The following BLTP3A variants were observed in gnomAD, a reference collection of about 807,000 sequenced individuals.
BLTP3A encodes bridge-like lipid transfer protein family member 3A.
the BLTP3A span, among the ~76,000 whole-genome samples, chr6:34,854,404 G>A: frequency 2.0e-5 from 3 of 151,888 alleles, no homozygotes; most frequent in Admixed American, 6.5e-5. Flanking sequence ...TAGTTTTGAA[G>A]TTAAATATTG....
the BLTP3A span, chr6:34,857,559 G>T: frequency 1.3e-6 from 2 of 1,538,800 alleles, 1 homozygote; most frequent in South Asian, 2.5e-5. Flanking sequence ...TTTATTTGTT[G>T]TTAGGAGTTT....
At chr6:34,845,619 T>C in the BLTP3A span, among the ~76,000 whole-genome samples, 1 of 151,466 alleles carries the variant, frequency 6.6e-6, no homozygotes, top group East Asian at 1.9e-4. Flanking sequence ...TTTTTTGAGA[T>C]GGAGTCTTGC....
chr6:34,850,186 G>T, the BLTP3A span, among the ~76,000 whole-genome samples: 1 of 151,358 alleles, frequency 6.6e-6, no homozygotes, highest in African/African-American at 2.4e-5. Flanking sequence ...CTTTAAATAT[G>T]TCATGCCTCT....
At chr6:34,819,856 A>G in the BLTP3A span, among the ~76,000 whole-genome samples, 4 of 152,308 alleles carry the variant, frequency 2.6e-5, no homozygotes, top group South Asian at 4.1e-4. Flanking sequence ...TTTCAAGACC[A>G]TTTGACCGAT....
At chr6:34,792,255 C>T in the BLTP3A span, 1 of 1,541,744 alleles carries the variant, frequency 6.5e-7, no homozygotes, top group Non-Finnish European at 8.7e-7. Flanking sequence ...TCCGGCATGG[C>T]CGGGATCATT....
At chr6:34,804,449 T>C in the BLTP3A span, among the ~76,000 whole-genome samples, 4 of 152,130 alleles carry the variant, frequency 2.6e-5, no homozygotes, top group African/African-American at 9.7e-5. Context: ...AGCCCAGTAA[T>C]GCATTAAGAA....
the BLTP3A span, chr6:34,821,444 T>TAAAAAA: frequency 8.6e-5 from 40 of 465,228 alleles, no homozygotes; most frequent in South Asian, 5.6e-4. Flanking sequence ...GCATTTGTTC[T>TAAAAAA]GGCTGGTCTG....
chr6:34,846,296 C>G, the BLTP3A span, among the ~76,000 whole-genome samples: 1 of 151,806 alleles, frequency 6.6e-6, no homozygotes, highest in Non-Finnish European at 1.5e-5. Context: ...AGGCACCCAC[C>G]ACCACGCCTA....
the BLTP3A span, chr6:34,835,303 T>G: frequency 1.2e-6 from 2 of 1,613,980 alleles, no homozygotes; most frequent in African/African-American, 1.3e-5. Flanking sequence ...GACCAAAGAT[T>G]GCAATGTGAT....
the BLTP3A span, chr6:34,792,294 G>T: frequency 1.9e-6 from 3 of 1,542,340 alleles, no homozygotes; most frequent in Non-Finnish European, 2.6e-6. Context: ...CACCTGTCCC[G>T]GTGAGAGCGC....
chr6:34,795,041 C>T, the BLTP3A span, among the ~76,000 whole-genome samples: 1 of 151,924 alleles, frequency 6.6e-6, no homozygotes, highest in Non-Finnish European at 1.5e-5. Context: ...CCTGCCTCGG[C>T]CTCCCAAAGT....
At chr6:34,866,971 T>C in the BLTP3A span, among the ~76,000 whole-genome samples, 1 of 152,182 alleles carries the variant, frequency 6.6e-6, no homozygotes, top group African/African-American at 2.4e-5. Flanking sequence ...TTGCTTATCC[T>C]TGCATCCATG....
the BLTP3A span, chr6:34,864,038 C>T: frequency 5.6e-6 from 9 of 1,612,716 alleles, no homozygotes; most frequent in Admixed American, 6.7e-5. Context: ...GGGTGGCAGC[C>T]CCAGTGAGTG....
At chr6:34,856,743 G>A in the BLTP3A span, 1 of 1,591,470 alleles carries the variant, frequency 6.3e-7, no homozygotes. Flanking sequence ...TATTAGTAAT[G>A]AGAGTTGAAT....
the BLTP3A span, chr6:34,857,216 G>A: frequency 1.6e-6 from 2 of 1,289,814 alleles, no homozygotes; most frequent in South Asian, 2.8e-5. Flanking sequence ...AAGACACTGT[G>A]TTCCCTGTGA....
chr6:34,854,190 C>T, the BLTP3A span, among the ~76,000 whole-genome samples: 5 of 152,074 alleles, frequency 3.3e-5, no homozygotes, highest in South Asian at 8.3e-4. Context: ...CCACCGCACT[C>T]CAGCCTGGGC....
chr6:34,823,485 A>G, the BLTP3A span: 3 of 644,212 alleles, frequency 4.7e-6, no homozygotes, highest in Non-Finnish European at 8.3e-6. Context: ...GAACCTCCAT[A>G]TACCCAAGAT....
chr6:34,806,332 T>C, the BLTP3A span, among the ~76,000 whole-genome samples: 1 of 152,304 alleles, frequency 6.6e-6, no homozygotes, highest in African/African-American at 2.4e-5. Context: ...CACAGCTCTT[T>C]TGTATGGTTT....
chr6:34,844,640 T>C, the BLTP3A span, among the ~76,000 whole-genome samples: 1 of 152,240 alleles, frequency 6.6e-6, no homozygotes, highest in East Asian at 1.9e-4. Flanking sequence ...CATATGCCTG[T>C]TTGCCATTTG....
Sources: allele counts gnomAD v4.1 joint callset (sites outside exome capture counted in the v4.1 genomes callset), GRCh38; gene constraint gnomAD v4.1.1; transcripts MANE v1.5; gene names NCBI Gene and HGNC (gene_info 2026-07-23, HGNC 2026-07-21).